Variants in GK observed in about 807,000 individuals in gnomAD.
GK encodes ATP:glycerol 3-phosphotransferase.
A neutral mutation model predicts 56.4 loss-of-function variants in GK; 9 were observed. That is an observed-to-expected ratio of 0.16 (90% CI 0.10 to 0.28). GK has a LOEUF of 0.28. Ranked by LOEUF, GK falls within the 10% of genes least tolerant of loss-of-function variation. The pLI is 1.00. For missense variants in GK, 161 were observed against 431.4 expected, an observed-to-expected ratio of 0.37 and a Z score of 5.55; for synonymous variants, 104 against 144.1, an observed-to-expected ratio of 0.72 and a Z score of 1.99.
At chrX:30,702,001 G>T (rs1369912481) in intron 11 of GK, among the ~76,000 whole-genome samples, 1 of 110,423 alleles carries the variant, frequency 9.1e-6, no homozygotes, top group Non-Finnish European at 1.9e-5. Context: ...TTATTTGAAG[G>T]TAATCTTTTT....
At chrX:30,666,467 G>A (rs896609120) in intron 2 of GK, among the ~76,000 whole-genome samples, 3 of 111,915 alleles carry the variant, frequency 2.7e-5, no homozygotes, top group Non-Finnish European at 5.6e-5. Flanking sequence ...TGTCTGTGAG[G>A]TGTGTGATTC....
At chrX:30,690,548 G>A (rs1212970645) in intron 4 of GK, among the ~76,000 whole-genome samples, 1 of 111,283 alleles carries the variant, frequency 9.0e-6, no homozygotes, top group African/African-American at 3.3e-5. Context: ...AAAGAATGGT[G>A]CCTTTAAAAG....
intron 4 of GK, chrX:30,687,570 C>T (rs899882754): frequency 2.6e-5 from 9 of 340,159 alleles, no homozygotes; most frequent in Non-Finnish European, 2.9e-5. Flanking sequence ...TTCCAGTTGC[C>T]GTTGTTCCCT....
At chrX:30,686,378 A>G (rs1307625742) in intron 4 of GK, among the ~76,000 whole-genome samples, 1 of 112,342 alleles carries the variant, frequency 8.9e-6, no homozygotes, top group African/African-American at 3.2e-5. Flanking sequence ...CACTTTGTAT[A>G]ACTGTCAGCA....
At chrX:30,671,697 T>C (rs1159645745) in intron 3 of GK, 1 of 111,994 alleles carries the variant, frequency 8.9e-6, no homozygotes, top group Non-Finnish European at 1.9e-5. Flanking sequence ...GCCTCCAAAA[T>C]TAAAATTCAC....
At position 30,730,754 on chromosome X, in the gene GK, G is replaced by A. The variant is rs1314194000; in HGVS notation, c.*2012G>A. ...AGATCACCTGAGGTCAGGAGTTCGGGACTAGCCTAACCGACATGGAGAAAC... is the reference window on the plus strand; with the variant it reads ...AGATCACCTGAGGTCAGGAGTTCGGAACTAGCCTAACCGACATGGAGAAAC... On this transcript the variant is annotated 3_prime_UTR_variant, in exon 21 of 21. Coordinates refer to ENST00000427190, the MANE Select transcript of GK (RefSeq NM_001205019.2). 9.1e-6 allele frequency: 1 copy of A among 109,313 alleles called. No homozygotes were observed. The highest frequency in any genetic ancestry group is 1.9e-5 in the Non-Finnish European group (1 of 52,582). The allele number at this position is 109,313 out of a possible 1,213,427, so 9.0% of individuals were successfully genotyped here. A position where few individuals can be genotyped will look rare whatever the true frequency, so the allele number is the denominator to read the frequency against.
intron 11 of GK, among the ~76,000 whole-genome samples, chrX:30,702,911 A>T (rs1483349840): frequency 9.0e-6 from 1 of 111,367 alleles, no homozygotes; most frequent in Admixed American, 9.6e-5. Context: ...AGGAGGAGGG[A>T]TGTGGGAATT....
chrX:30,664,392 G>A (rs1319457789), intron 1 of GK, among the ~76,000 whole-genome samples: 1 of 107,080 alleles, frequency 9.3e-6, no homozygotes, highest in Non-Finnish European at 1.9e-5. Flanking sequence ...TAGAGACGGG[G>A]TTTCACCATG....
At chrX:30,703,730 G>A (rs1935817154) in intron 11 of GK, among the ~76,000 whole-genome samples, 1 of 111,112 alleles carries the variant, frequency 9.0e-6, no homozygotes, top group African/African-American at 3.3e-5. Context: ...GGAGGCCAAG[G>A]CAGGTGGATC....
intron 10 of GK, 29 bp downstream of exon 10, chrX:30,700,478 T>C (rs757653149): frequency 1.8e-5 from 19 of 1,055,988 alleles, no homozygotes; most frequent in Middle Eastern, 2.5e-4. Flanking sequence ...TGTCTCCCCA[T>C]CCCCACCCTT....
intron 14 of GK, among the ~76,000 whole-genome samples, chrX:30,719,207 G>A (rs1413409723): frequency 9.0e-6 from 1 of 111,179 alleles, no homozygotes; most frequent in Non-Finnish European, 1.9e-5. Flanking sequence ...GATTTCTTGA[G>A]CTAGGCTACA....
intron 13 of GK, among the ~76,000 whole-genome samples, chrX:30,709,624 G>GT (rs1223862190): frequency 2.7e-5 from 3 of 111,288 alleles, no homozygotes; most frequent in Non-Finnish European, 5.7e-5. Context: ...AATCTGACCT[G>GT]TACTCAATCA....
Position 30,724,294 on chromosome X carries a change from T to A in GK, c.1582+113T>A, listed in dbSNP as rs961098419. The A allele has an allele frequency of 6.8e-5, 35 of 511,862 alleles. No individual in the cohort carries two copies. In the East Asian group the frequency reaches 1.2e-3, roughly 18 times the overall value. 42.2% of individuals were successfully genotyped at this position (511,862 alleles called of 1,213,427 possible). Reference sequence around the variant, plus strand: ...TGCTCTGAAGAAAAGCATTATCATATGTCCAGAGATTCTGACATTTTGAAA... The same window carrying A: ...TGCTCTGAAGAAAAGCATTATCATAAGTCCAGAGATTCTGACATTTTGAAA... On this transcript the variant is annotated intron_variant, in intron 19 of 20. Coordinates refer to ENST00000427190, the MANE Select transcript of GK (RefSeq NM_001205019.2).
At chrX:30,654,540 C>G (rs1376180960) in intron 1 of GK, among the ~76,000 whole-genome samples, 1 of 110,659 alleles carries the variant, frequency 9.0e-6, no homozygotes, top group Non-Finnish European at 1.9e-5. Context: ...GTCAGGAGTT[C>G]GAGACCAGCC....
At chrX:30,655,448 A>T (rs1230563479) in intron 1 of GK, among the ~76,000 whole-genome samples, 2 of 112,062 alleles carry the variant, frequency 1.8e-5, no homozygotes, top group African/African-American at 6.5e-5. Flanking sequence ...GACAGCTAGT[A>T]GCTGCCAAGC....
intron 8 of GK, 134 bp from the exon 9 acceptor site, chrX:30,697,598 C>A: frequency 1.9e-6 from 1 of 537,408 alleles, no homozygotes; most frequent in Non-Finnish European, 3.3e-6. Context: ...TGACTTGGGT[C>A]AAGGAAAAAG....
At chrX:30,682,135 C>CCT (rs1452651660) in intron 4 of GK, among the ~76,000 whole-genome samples, 3 of 111,321 alleles carry the variant, frequency 2.7e-5, no homozygotes, top group Non-Finnish European at 5.7e-5. Context: ...TTAGGGGGTA[C>CCT]CAACCTGAGA....
chrX:30,721,041 C>A, intron 18 of GK, 46 bp downstream of exon 18: 1 of 1,127,578 alleles, frequency 8.9e-7, no homozygotes, highest in Non-Finnish European at 1.2e-6. Context: ...GTGAAAACGA[C>A]CTTAGTGCAC....
intron 13 of GK, among the ~76,000 whole-genome samples, chrX:30,716,268 G>A (rs1016986239): frequency 8.9e-6 from 1 of 111,861 alleles, no homozygotes; most frequent in Non-Finnish European, 1.9e-5. Context: ...TTTAAGGACA[G>A]TGTCTTTGAG....
Sources: gnomAD v4.1 joint callset for allele counts (sites outside exome capture counted in the v4.1 genomes callset) on GRCh38, gnomAD v4.1.1 for gene constraint, MANE v1.5 for transcripts, NCBI Gene and HGNC (gene_info 2026-07-23, HGNC 2026-07-21) for gene names.